CCDC85A: variants seen among roughly 807,000 people sequenced by gnomAD.
CCDC85A encodes the protein coiled-coil domain-containing protein 85A.
In CCDC85A, 38 loss-of-function variants were observed where a neutral mutation model predicts 50.2. That is an observed-to-expected ratio of 0.76 (90% CI 0.58 to 0.99). The LOEUF (loss-of-function observed/expected upper bound fraction) is 0.99, where lower values mean the gene tolerates loss of function less well. Among genes scored for constraint, CCDC85A ranks in the 50% least tolerant of loss-of-function variants. The pLI is 0.00. For synonymous variants in CCDC85A, 366 were observed against 301.4 expected (o/e 1.21, Z -2.22); for missense variants, 820 against 742.0 (o/e 1.11, Z -1.22).
At chr2:56,273,982 A>C (rs2104073708) in intron 2 of CCDC85A, among the ~76,000 whole-genome samples, 1 of 152,324 alleles carries the variant, frequency 6.6e-6, no homozygotes, top group East Asian at 1.9e-4. Context: ...AATGATATAT[A>C]AAAACTAAAC....
Position 56,193,069 on chromosome 2 carries a change from C to T in CCDC85A, c.869C>T (p.Pro290Leu), listed in dbSNP as rs1676369849. ...EHHKPLCKGSPEQQRHPHPGS... is the reference protein window; with the variant it reads ...EHHKPLCKGSLEQQRHPHPGS... ...CACAAACCCTTGTGCAAGGGCAGCC[C>T]CGAACAGCAAAGGCACCCGCATCCA... is the stretch of plus-strand genomic sequence containing the variant. Residue 290 changes from proline to leucine, a missense_variant, in exon 2 of 6, where the codon CCC (proline) becomes CTC (leucine). Coordinates refer to ENST00000407595, the MANE Select transcript of CCDC85A (RefSeq NM_001080433.2). 1 of 1,613,904 alleles carries T rather than the reference C, an allele frequency of 6.2e-7. No individual in the cohort carries two copies. Among genetic ancestry groups the T allele is most frequent in the Non-Finnish European group, 8.5e-7 (1 of 1,179,882 alleles).
intron 3 of CCDC85A, among the ~76,000 whole-genome samples, chr2:56,352,609 G>T (rs1456267471): frequency 1.3e-5 from 2 of 152,188 alleles, no homozygotes; most frequent in Admixed American, 6.5e-5. Flanking sequence ...GCCTCCCAAA[G>T]TGCTGGGATT....
intron 2 of CCDC85A, among the ~76,000 whole-genome samples, chr2:56,201,812 G>T (rs919576638): frequency 6.6e-6 from 1 of 152,090 alleles, no homozygotes; most frequent in African/African-American, 2.4e-5. Context: ...GCTGTATTTA[G>T]TTTAGAACAT....
At chr2:56,242,799 G>T (rs536710656) in intron 2 of CCDC85A, among the ~76,000 whole-genome samples, 56 of 152,108 alleles carry the variant, frequency 3.7e-4, no homozygotes, top group Non-Finnish European at 7.2e-4. Flanking sequence ...TTTGCTTTGG[G>T]TACCTCTGCT....
chr2:56,184,589 C>T lies in CCDC85A; in HGVS notation c.-36C>T, dbSNP rs1442341205. 2 of 1,386,108 alleles carry T rather than the reference C, an allele frequency of 1.4e-6. No homozygotes were observed. The highest frequency in any genetic ancestry group is 3.0e-5 in the East Asian group (1 of 33,452). The allele number at this position is 1,386,108 out of a possible 1,614,324, so 85.9% of individuals were successfully genotyped here. On this transcript the variant is annotated 5_prime_UTR_variant, in exon 1 of 6. Coordinates refer to ENST00000407595, the MANE Select transcript of CCDC85A (RefSeq NM_001080433.2). ...CGCGCCTTCGGGAGTCGCCTCGCCTCTTCCACCCACTTGCACCTGCCACCC... is the reference window on the plus strand; with the variant it reads ...CGCGCCTTCGGGAGTCGCCTCGCCTTTTCCACCCACTTGCACCTGCCACCC...
chr2:56,272,607 G>A (rs1670746614), intron 2 of CCDC85A, among the ~76,000 whole-genome samples: 1 of 152,110 alleles, frequency 6.6e-6, no homozygotes, highest in African/African-American at 2.4e-5. Flanking sequence ...ATAGCAGAGA[G>A]TAAAAGTAAA....
At chr2:56,259,461 T>C (rs1204193414) in intron 2 of CCDC85A, among the ~76,000 whole-genome samples, 1 of 152,054 alleles carries the variant, frequency 6.6e-6, no homozygotes, top group African/African-American at 2.4e-5. Context: ...CCATACTGAG[T>C]AGGACAAGGA....
At chr2:56,230,605 C>G (rs1243463108) in intron 2 of CCDC85A, among the ~76,000 whole-genome samples, 2 of 152,204 alleles carry the variant, frequency 1.3e-5, no homozygotes, top group Non-Finnish European at 2.9e-5. Flanking sequence ...CTCCTTGTCA[C>G]TGAGGTCTCA....
chr2:56,341,434 A>C (rs955125827), intron 2 of CCDC85A, among the ~76,000 whole-genome samples: 1 of 152,132 alleles, frequency 6.6e-6, no homozygotes, highest in South Asian at 2.1e-4. Context: ...TGCCTTGCTC[A>C]TGTTTGACTA....
intron 2 of CCDC85A, among the ~76,000 whole-genome samples, chr2:56,222,032 C>G (rs1025632059): frequency 9.2e-5 from 14 of 152,044 alleles, no homozygotes; most frequent in African/African-American, 3.1e-4. Context: ...TGATAATATT[C>G]TTAATCCATT....
intron 5 of CCDC85A, among the ~76,000 whole-genome samples, chr2:56,380,668 C>T (rs890007004): frequency 1.2e-4 from 18 of 151,924 alleles, no homozygotes; most frequent in African/African-American, 4.1e-4. Flanking sequence ...GTTATTTTCA[C>T]GTGCATATTC....
intron 2 of CCDC85A, among the ~76,000 whole-genome samples, chr2:56,232,559 G>T (rs967004409): frequency 6.6e-6 from 1 of 152,100 alleles, no homozygotes; most frequent in Non-Finnish European, 1.5e-5. Context: ...CATTTCCCCT[G>T]CTGGCCCTCA....
intron 2 of CCDC85A, among the ~76,000 whole-genome samples, chr2:56,285,098 TTTC>T (rs1223295030): frequency 6.6e-6 from 1 of 151,394 alleles, no homozygotes; most frequent in Non-Finnish European, 1.5e-5. Context: ...CTTTCTTTTC[TTTC>T]TTTTTTTTTT....
intron 2 of CCDC85A, among the ~76,000 whole-genome samples, chr2:56,215,491 G>A (rs1185816803): frequency 6.6e-6 from 1 of 151,344 alleles, no homozygotes; most frequent in Non-Finnish European, 1.5e-5. Context: ...AAGGCATCCA[G>A]TTTTTCACTG....
At chr2:56,215,317 G>A (rs555409639) in intron 2 of CCDC85A, among the ~76,000 whole-genome samples, 1 of 151,840 alleles carries the variant, frequency 6.6e-6, no homozygotes, top group Non-Finnish European at 1.5e-5. Flanking sequence ...TTTCTACATA[G>A]GTAGTCACAG....
intron 5 of CCDC85A, chr2:56,379,984 T>G (rs1676509409): frequency 6.2e-6 from 1 of 162,162 alleles, no homozygotes; most frequent in African/African-American, 2.4e-5. Flanking sequence ...ATTTCCCTTG[T>G]TTTTATTTTC....
At chr2:56,280,654 C>T (rs1157832025) in intron 2 of CCDC85A, among the ~76,000 whole-genome samples, 1 of 152,110 alleles carries the variant, frequency 6.6e-6, no homozygotes, top group Admixed American at 6.5e-5. Flanking sequence ...AGTTAGGATC[C>T]AGCTACTGAG....
chr2:56,184,109 G>C lies in CCDC85A; in HGVS notation c.-516G>C. 2 of 975,596 alleles carry C rather than the reference G, an allele frequency of 2.1e-6. No homozygotes were observed. The highest frequency in any genetic ancestry group is 2.4e-6 in the Non-Finnish European group (2 of 820,952). 60.4% of individuals were successfully genotyped at this position (975,596 alleles called of 1,614,324 possible). The stretch of plus-strand genomic sequence containing the variant: ...TCGGGCAGCCGCGGCGGCGTCGCTA[G>C]AGCAGCCGGGGAGGCGCCGCGGTGC... On this transcript the variant is annotated 5_prime_UTR_variant, in exon 1 of 6. Transcript: ENST00000407595.
intron 2 of CCDC85A, among the ~76,000 whole-genome samples, chr2:56,226,973 C>G (rs1020975319): frequency 1.3e-5 from 2 of 152,054 alleles, no homozygotes; most frequent in Non-Finnish European, 2.9e-5. Context: ...ATTTTAGCAC[C>G]TTTTATTCTG....
Sources: gnomAD v4.1 joint callset for allele counts (sites outside exome capture counted in the v4.1 genomes callset) on GRCh38, gnomAD v4.1.1 for gene constraint, MANE v1.5 for transcripts, NCBI Gene and HGNC (gene_info 2026-07-23, HGNC 2026-07-21) for gene names.